The following CTSC variants were observed in gnomAD, a reference collection of about 807,000 sequenced individuals.
CTSC encodes the protein dipeptidyl peptidase 1.
A neutral mutation model predicts 40.9 loss-of-function variants in CTSC; 37 were observed. The observed-to-expected ratio is 0.91, with a 90% confidence interval of 0.70 to 1.19. The LOEUF (loss-of-function observed/expected upper bound fraction) is 1.19, where lower values mean the gene tolerates loss of function less well. CTSC is among the 50% of genes most tolerant of loss of function. The pLI is 0.00. For missense variants in CTSC, 594 were observed against 567.3 expected, an observed-to-expected ratio of 1.05 and a Z score of -0.48; for synonymous variants, 232 against 207.4, an observed-to-expected ratio of 1.12 and a Z score of -1.02.
intron 2 of CTSC, chr11:88,320,770 T>A: frequency 2.1e-6 from 2 of 953,404 alleles, no homozygotes; most frequent in Non-Finnish European, 2.5e-6. Context: ...GACACAAAGG[T>A]AACACTTCAA....
intron 4 of CTSC, among the ~76,000 whole-genome samples, chr11:88,305,552 T>G (rs1348149183): frequency 6.6e-6 from 1 of 152,214 alleles, no homozygotes; most frequent in African/African-American, 2.4e-5. Context: ...CAATAAATGC[T>G]GTCTGTAATT....
At chr11:88,323,677 C>A (rs1307343717) in intron 2 of CTSC, 1 of 152,052 alleles carries the variant, frequency 6.6e-6, no homozygotes, top group South Asian at 2.1e-4. Context: ...CCAATAGCTA[C>A]AGAGAGAATA....
intron 6 of CTSC, among the ~76,000 whole-genome samples, chr11:88,295,891 G>T (rs1009269364): frequency 1.6e-4 from 24 of 152,128 alleles, no homozygotes; most frequent in African/African-American, 5.6e-4. Context: ...AGCATTGTTA[G>T]GCAATATATG....
intron 3 of CTSC, among the ~76,000 whole-genome samples, chr11:88,310,047 T>C (rs1475857956): frequency 1.3e-5 from 2 of 152,150 alleles, no homozygotes; most frequent in Non-Finnish European, 2.9e-5. Context: ...AAAGAAATTA[T>C]ACTTTATGGA....
At chr11:88,321,453 G>C (rs999019946) in intron 2 of CTSC, 7 of 151,956 alleles carry the variant, frequency 4.6e-5, no homozygotes, top group African/African-American at 1.7e-4. Context: ...CCCCTGACTG[G>C]CCCCAGTGTG....
chr11:88,328,892 C>A (rs997007909), intron 2 of CTSC, among the ~76,000 whole-genome samples: 8 of 152,062 alleles, frequency 5.3e-5, no homozygotes, highest in African/African-American at 1.9e-4. Flanking sequence ...CCAAAGTGTT[C>A]TTGTTTTGAG....
At chr11:88,332,706 T>C (rs533141870) in intron 2 of CTSC, among the ~76,000 whole-genome samples, 7 of 152,302 alleles carry the variant, frequency 4.6e-5, no homozygotes, top group African/African-American at 1.7e-4. Flanking sequence ...ACCAGAGTGG[T>C]TGATTTTTCT....
At chr11:88,321,544 G>C (rs2134799465) in intron 2 of CTSC, 1 of 152,216 alleles carries the variant, frequency 6.6e-6, no homozygotes, top group East Asian at 1.9e-4. Flanking sequence ...TTGGTTTTCT[G>C]TTCCTGCATT....
rs370041987 is a variant in CTSC, at chr11:88,334,896, A to C, written c.318+41T>G. ...CTAATCAGAAGAGGTTTCAGATATC[A>C]AATCATTGAAAATGTAAATCCAACT... On this transcript the variant is annotated intron_variant, in intron 2 of 6. Coordinates refer to ENST00000227266, the MANE Select transcript of CTSC (RefSeq NM_001814.6). 21 of 1,496,202 alleles carry C rather than the reference A, an allele frequency of 1.4e-5. No homozygotes were observed. The African/African-American group carries it at 2.5e-4, about 18-fold the overall frequency. 92.7% of individuals were successfully genotyped at this position (1,496,202 alleles called of 1,614,324 possible). A position where few individuals can be genotyped will look rare whatever the true frequency, so the allele number is the denominator to read the frequency against.
intron 2 of CTSC, among the ~76,000 whole-genome samples, chr11:88,313,540 T>TAACA (rs1394990978): frequency 6.6e-6 from 1 of 152,204 alleles, no homozygotes; most frequent in Non-Finnish European, 1.5e-5. Context: ...ATCCAGGATT[T>TAACA]GAACTAAGAT....
chr11:88,319,113 T>G (rs1300769222), intron 2 of CTSC, among the ~76,000 whole-genome samples: 1 of 152,164 alleles, frequency 6.6e-6, no homozygotes, highest in Non-Finnish European at 1.5e-5. Context: ...CTTGAGCATC[T>G]TATCTGAATT....
At chr11:88,321,924 GTTGT>G (rs908600194) in intron 2 of CTSC, 3 of 152,226 alleles carry the variant, frequency 2.0e-5, no homozygotes, top group African/African-American at 7.2e-5. Flanking sequence ...TCACTAGCAT[GTTGT>G]TTGACTTTTT....
At chr11:88,331,935 G>A (rs774774756) in intron 2 of CTSC, among the ~76,000 whole-genome samples, 9 of 152,120 alleles carry the variant, frequency 5.9e-5, no homozygotes, top group Non-Finnish European at 1.3e-4. Flanking sequence ...AGGAACCATG[G>A]ACAAAACCTA....
chr11:88,318,886 C>T (rs1370469876), intron 2 of CTSC, among the ~76,000 whole-genome samples: 3 of 151,712 alleles, frequency 2.0e-5, no homozygotes. Flanking sequence ...CCAGCCTTGG[C>T]AAAAAGAGGG....
intron 2 of CTSC, chr11:88,326,395 C>T: frequency 6.2e-7 from 1 of 1,614,012 alleles, no homozygotes; most frequent in African/African-American, 1.3e-5. Context: ...AACGTCTGTT[C>T]ATGGCTGTGG....
intron 2 of CTSC, among the ~76,000 whole-genome samples, chr11:88,313,724 G>A (rs535606173): frequency 6.6e-6 from 1 of 152,204 alleles, no homozygotes; most frequent in South Asian, 2.1e-4. Context: ...TAATTTAATA[G>A]AAAAGACTAT....
intron 1 of CTSC, among the ~76,000 whole-genome samples, chr11:88,336,238 TAAAA>T (rs3079112): frequency 1.7e-4 from 21 of 127,190 alleles, no homozygotes; most frequent in Non-Finnish European, 1.5e-4. Flanking sequence ...AACTCAAATT[TAAAA>T]AAAAAAAAAA....
At position 88,294,204 on chromosome 11, in the gene CTSC, G is replaced by C. The variant is rs201519830; in HGVS notation, c.1194C>G (p.Asn398Lys). Residue 398 changes from asparagine (N) to lysine (K), a missense_variant, in exon 7 of 7, where the codon AAC becomes AAG. Asn to Lys is a moderately conservative substitution (Grantham distance 94). Transcript: ENST00000227266. ...CAGCATGATTAGTCAGCTCAAAGGG[G>C]TTGAAAGGGTCTCTTAGACCAGTGT... is the stretch of plus-strand genomic sequence containing the variant. ...YHHTGLRDPF[N>K]PFELTNHAVL... 181 of 1,613,856 alleles carry C rather than the reference G, an allele frequency of 1.1e-4. No individual in the cohort carries two copies. The highest frequency in any genetic ancestry group is 1.4e-4 in the Non-Finnish European group (162 of 1,180,014).
intron 2 of CTSC, among the ~76,000 whole-genome samples, chr11:88,319,015 A>C (rs889529918): frequency 7.2e-5 from 11 of 152,250 alleles, no homozygotes; most frequent in African/African-American, 2.7e-4. Flanking sequence ...TCAGATGTTC[A>C]TCTGTTATGT....
Sources: gnomAD v4.1 joint callset for allele counts (sites outside exome capture counted in the v4.1 genomes callset) on GRCh38, gnomAD v4.1.1 for gene constraint, MANE v1.5 for transcripts, NCBI Gene and HGNC (gene_info 2026-07-23, HGNC 2026-07-21) for gene names.